Variants in ABTB2 observed in about 807,000 individuals in gnomAD.
ABTB2 encodes the protein ankyrin repeat and BTB/POZ domain-containing protein 2.
In ABTB2, 56 loss-of-function variants were observed where a neutral mutation model predicts 104.1. The ratio of observed to expected loss-of-function variants is 0.54; its 90% CI spans 0.43 to 0.67. The LOEUF (loss-of-function observed/expected upper bound fraction) is 0.67, where lower values mean the gene tolerates loss of function less well. Among genes scored for constraint, ABTB2 ranks in the 30% least tolerant of loss-of-function variants. The pLI, the probability that ABTB2 is intolerant of heterozygous loss-of-function variation, is 0.00. For missense variants in ABTB2, 1,279 were observed against 1,407.7 expected, an observed-to-expected ratio of 0.91 and a Z score of 1.46; for synonymous variants, 606 against 608.2, an observed-to-expected ratio of 1.00 and a Z score of 0.05.
chr11:34,176,299 A>G (rs1852960582), intron 3 of ABTB2, among the ~76,000 whole-genome samples: 1 of 151,772 alleles, frequency 6.6e-6, no homozygotes. Context: ...AAAAAAAAAA[A>G]AAAGAGAAAG....
chr11:34,227,246 T>A (rs1003583689), intron 1 of ABTB2, among the ~76,000 whole-genome samples: 4 of 144,288 alleles, frequency 2.8e-5, no homozygotes, highest in African/African-American at 7.8e-5. Context: ...TGCACTCCAG[T>A]GTGGGTGACA....
chr11:34,212,056 C>G (rs1429257836), intron 1 of ABTB2, among the ~76,000 whole-genome samples: 1 of 151,652 alleles, frequency 6.6e-6, no homozygotes, highest in African/African-American at 2.4e-5. Context: ...GTTTGAGAAG[C>G]AGGTTTTATT....
intron 1 of ABTB2, among the ~76,000 whole-genome samples, chr11:34,276,683 A>T (rs61609095): frequency 0.04 from 6,151 of 152,272 alleles, 429 homozygotes; most frequent in African/African-American, 0.14. Context: ...AAATCAAATT[A>T]GCTTGACCAG....
intron 1 of ABTB2, among the ~76,000 whole-genome samples, chr11:34,313,951 C>T (rs565219720): frequency 6.6e-6 from 1 of 152,306 alleles, no homozygotes; most frequent in African/African-American, 2.4e-5. Flanking sequence ...CAAGGTGGGG[C>T]AGGTTGGAGG....
At chr11:34,157,833 G>T (rs1297144752) in intron 14 of ABTB2, among the ~76,000 whole-genome samples, 1 of 152,200 alleles carries the variant, frequency 6.6e-6, no homozygotes, top group Non-Finnish European at 1.5e-5. Context: ...GCCCCTAACT[G>T]GTCCCCTGGA....
intron 9 of ABTB2, among the ~76,000 whole-genome samples, chr11:34,163,159 C>A (rs1312116152): frequency 2.6e-5 from 4 of 152,192 alleles, no homozygotes; most frequent in Non-Finnish European, 4.4e-5. Flanking sequence ...CAGGGTGTCA[C>A]TATATCACAC....
intron 1 of ABTB2, among the ~76,000 whole-genome samples, chr11:34,287,715 T>C (rs1854522617): frequency 1.3e-5 from 2 of 152,218 alleles, no homozygotes; most frequent in Admixed American, 1.3e-4. Context: ...TCCCCAGGTA[T>C]TACTTGACTT....
chr11:34,215,899 G>T (rs56955447), intron 1 of ABTB2, among the ~76,000 whole-genome samples: 1 of 152,010 alleles, frequency 6.6e-6, no homozygotes, highest in Non-Finnish European at 1.5e-5. Flanking sequence ...TAGACCCAAG[G>T]CCACTCGATT....
chr11:34,323,906 C>CTTTTTTTTTTTTTTTTTTTTTTTTTTTT (rs56375939), intron 1 of ABTB2, among the ~76,000 whole-genome samples: 1 of 63,878 alleles, frequency 1.6e-5, no homozygotes, highest in Non-Finnish European at 2.7e-5. Flanking sequence ...TAAATTCCCT[C>CTTTTTTTTTTTTTTTTTTTTTTTTTTTT]TTTTTTTTTT....
intron 16 of ABTB2, among the ~76,000 whole-genome samples, chr11:34,153,622 G>A (rs566272061): frequency 6.6e-6 from 1 of 152,198 alleles, no homozygotes; most frequent in South Asian, 2.1e-4. Flanking sequence ...GGGATTACAG[G>A]TGTGAGCCAC....
chr11:34,319,507 G>A (rs1854976586), intron 1 of ABTB2, among the ~76,000 whole-genome samples: 1 of 152,198 alleles, frequency 6.6e-6, no homozygotes, highest in African/African-American at 2.4e-5. Context: ...TATATGCAGT[G>A]CTGTCTGTCA....
chr11:34,205,761 C>T (rs1340116063), intron 1 of ABTB2, among the ~76,000 whole-genome samples: 1 of 152,204 alleles, frequency 6.6e-6, no homozygotes, highest in Non-Finnish European at 1.5e-5. Context: ...ACAACAGCAG[C>T]AACAGGTACA....
At chr11:34,333,039 A>G (rs1855151362) in intron 1 of ABTB2, among the ~76,000 whole-genome samples, 1 of 152,250 alleles carries the variant, frequency 6.6e-6, no homozygotes, top group African/African-American at 2.4e-5. Context: ...CAAGGGTTTT[A>G]CAAATATTTC....
intron 1 of ABTB2, among the ~76,000 whole-genome samples, chr11:34,340,032 C>T (rs1855243184): frequency 6.8e-6 from 1 of 146,262 alleles, no homozygotes; most frequent in African/African-American, 2.6e-5. Context: ...GCTTCTTAGC[C>T]CCACCATCCT....
intron 3 of ABTB2, among the ~76,000 whole-genome samples, chr11:34,174,053 G>C (rs549309712): frequency 1.3e-4 from 20 of 152,242 alleles, no homozygotes; most frequent in Non-Finnish European, 2.5e-4. Context: ...TAGTGGCCTC[G>C]GCCGGGCTCG....
intron 1 of ABTB2, among the ~76,000 whole-genome samples, chr11:34,333,638 C>T (rs1855157809): frequency 1.3e-5 from 2 of 152,100 alleles, no homozygotes; most frequent in African/African-American, 4.8e-5. Context: ...CACCTGTAAT[C>T]CCAGCTACTC....
rs114520986 is a variant in ABTB2 at position 34,331,283 on chromosome 11, T to A, written c.883+25418A>T. ...CAAGCATATAAAGGGTCACTTCAAC[T>A]CATGTAAGTATTGCTTAACGCGGAA... On this transcript the variant is annotated intron_variant, in intron 1 of 16. Coordinates refer to ENST00000435224, the MANE Select transcript of ABTB2 (RefSeq NM_145804.3). 1.5e-3 allele frequency among the ~76,000 whole-genome samples: 232 copies of A among 152,282 alleles called. 2 individuals carry two copies. The highest frequency in any genetic ancestry group is 5.4e-3 in the African/African-American group (223 of 41,568).
At position 34,357,446 on chromosome 11, in the gene ABTB2, C is replaced by A. The variant is rs1305408414; in HGVS notation, c.138G>T (p.Ala46=). 1 of 1,548,472 alleles carries A rather than the reference C, an allele frequency of 6.5e-7. No individual in the cohort carries two copies. Among genetic ancestry groups the A allele is most frequent in the South Asian group, 1.2e-5 (1 of 84,044 alleles). The change falls in exon 1 of 17, where the codon GCG becomes GCT. Residue 46 remains alanine (A), a synonymous_variant. Coordinates refer to ENST00000435224, the MANE Select transcript of ABTB2 (RefSeq NM_145804.3). Reference sequence around the variant, plus strand: ...ACCAGGCCGCCCCGCGGTGCTGCTGCGCCGAAGAGTTGAGCGCCTGCGAGT... The same window carrying A: ...ACCAGGCCGCCCCGCGGTGCTGCTGAGCCGAAGAGTTGAGCGCCTGCGAGT... The part of the protein sequence containing the change: ...KSNSQALNSS[A]QQHRGAAWWC...
intron 10 of ABTB2, 62 bp downstream of exon 10, chr11:34,162,514 G>A: frequency 1.3e-6 from 2 of 1,535,476 alleles, no homozygotes; most frequent in Non-Finnish European, 1.8e-6. Context: ...GAGCAGCAGG[G>A]AGTGACCGTG....
Sources: allele counts gnomAD v4.1 joint callset (sites outside exome capture counted in the v4.1 genomes callset), GRCh38; gene constraint gnomAD v4.1.1; transcripts MANE v1.5; gene names NCBI Gene and HGNC (gene_info 2026-07-23, HGNC 2026-07-21).